CNGB3: variants seen among roughly 807,000 people sequenced by gnomAD.
The protein encoded by CNGB3 is cyclic nucleotide-gated channel beta-3.
A neutral mutation model predicts 92.8 loss-of-function variants in CNGB3; 86 were observed. The ratio of observed to expected loss-of-function variants is 0.93; its 90% confidence interval spans 0.78 to 1.11. CNGB3 has a LOEUF of 1.11. Ranked by LOEUF, CNGB3 falls within the 50% of genes least tolerant of loss-of-function variation. The pLI is 0.00. For synonymous variants in CNGB3, 333 were observed against 332.7 expected, an observed-to-expected ratio of 1.00 and a Z score of -0.01; for missense variants, 1,026 against 956.8, an observed-to-expected ratio of 1.07 and a Z score of -0.95.
At chr8:86,663,041 C>T (rs1823675374) in intron 6 of CNGB3, among the ~76,000 whole-genome samples, 1 of 152,170 alleles carries the variant, frequency 6.6e-6, no homozygotes, top group Non-Finnish European at 1.5e-5. Context: ...GTTTCTACTA[C>T]TTCATAATTA....
chr8:86,709,138 G>T (rs1387706063), intron 3 of CNGB3, among the ~76,000 whole-genome samples: 1 of 152,178 alleles, frequency 6.6e-6, no homozygotes, highest in Non-Finnish European at 1.5e-5. Flanking sequence ...TGCCACAGTG[G>T]TGTCTATGAC....
chr8:86,650,101 G>A (rs1823371618), intron 7 of CNGB3, among the ~76,000 whole-genome samples: 1 of 151,418 alleles, frequency 6.6e-6, no homozygotes, highest in South Asian at 2.1e-4. Flanking sequence ...TACTCTACAG[G>A]TATTGATCTT....
intron 13 of CNGB3, among the ~76,000 whole-genome samples, chr8:86,612,917 G>A (rs1164927966): frequency 6.6e-6 from 1 of 152,216 alleles, no homozygotes; most frequent in Non-Finnish European, 1.5e-5. Context: ...AAGAAAGTAA[G>A]TCTAGTTGGG....
chr8:86,734,023 A>G (rs1411071022), intron 2 of CNGB3, among the ~76,000 whole-genome samples: 1 of 151,918 alleles, frequency 6.6e-6, no homozygotes, highest in Non-Finnish European at 1.5e-5. Context: ...GGGTGCTACT[A>G]TGCTCAGCTA....
chr8:86,693,176 G>C lies in CNGB3; in HGVS notation c.339-22078C>G, dbSNP rs539462305. ...CTCTTAAGATGCTTTTCTTCATCTT[G>C]AGTTTAGACAACCTGATGACTGTGT... On this transcript the variant is annotated intron_variant, in intron 3 of 17. Coordinates refer to ENST00000320005, the MANE Select transcript of CNGB3 (RefSeq NM_019098.5). Among the ~76,000 whole-genome samples, 32 of 152,150 alleles carry C rather than the reference G, an allele frequency of 2.1e-4. No homozygotes were observed. In the South Asian group the frequency reaches 6.4e-3, roughly 31 times the overall value.
At chr8:86,711,831 C>CTA (rs1296251594) in intron 3 of CNGB3, among the ~76,000 whole-genome samples, 55 of 125,122 alleles carry the variant, frequency 4.4e-4, no homozygotes, top group African/African-American at 1.5e-3. Context: ...CTCTCTCTCT[C>CTA]TCTCTATATA....
intron 6 of CNGB3, among the ~76,000 whole-genome samples, chr8:86,664,130 A>C (rs6471476): frequency 0.89 from 135,959 of 152,250 alleles, 60,993 homozygotes; most frequent in East Asian, 1. Context: ...AACTAATGCT[A>C]TAAAGTCTGC....
chr8:86,704,584 C>A (rs1824617538), intron 3 of CNGB3, among the ~76,000 whole-genome samples: 1 of 152,144 alleles, frequency 6.6e-6, no homozygotes, highest in South Asian at 2.1e-4. Flanking sequence ...GCTTTGGGAG[C>A]TACATCAGGG....
chr8:86,681,368 G>A (rs112514687), intron 3 of CNGB3, among the ~76,000 whole-genome samples: 2,083 of 152,246 alleles, frequency 0.014, 44 homozygotes, highest in African/African-American at 0.048. Flanking sequence ...AGGAGAGAAT[G>A]AGTTGAAGAA....
intron 15 of CNGB3, among the ~76,000 whole-genome samples, chr8:86,600,345 T>G (rs1822267577): frequency 6.6e-6 from 1 of 152,206 alleles, no homozygotes; most frequent in African/African-American, 2.4e-5. Context: ...CTTTGTACCC[T>G]CATGACTGGC....
chr8:86,616,593 T>C (rs1222427029), intron 13 of CNGB3, among the ~76,000 whole-genome samples: 1 of 152,196 alleles, frequency 6.6e-6, no homozygotes, highest in African/African-American at 2.4e-5. Flanking sequence ...AATTTTCTGA[T>C]GTATGAAAAG....
intron 3 of CNGB3, among the ~76,000 whole-genome samples, chr8:86,709,224 A>G (rs1225321345): frequency 6.6e-6 from 1 of 152,224 alleles, no homozygotes; most frequent in African/African-American, 2.4e-5. Flanking sequence ...TCATTGTTAT[A>G]GAAGTAGAAG....
intron 17 of CNGB3, 130 bp from the exon 18 acceptor site, chr8:86,576,260 C>A: frequency 1.0e-6 from 1 of 1,002,536 alleles, no homozygotes; most frequent in African/African-American, 1.6e-5. Context: ...ATCCAGGAAT[C>A]ATGTCTGCTT....
At chr8:86,641,633 ATT>A (rs140856006) in intron 10 of CNGB3, among the ~76,000 whole-genome samples, 75 of 147,608 alleles carry the variant, frequency 5.1e-4, no homozygotes, top group African/African-American at 1.7e-3. Context: ...TTCCTTATTC[ATT>A]TTTTTTTCCC....
chr8:86,633,940 G>T (rs891993873), intron 10 of CNGB3, among the ~76,000 whole-genome samples: 5 of 152,178 alleles, frequency 3.3e-5, no homozygotes, highest in African/African-American at 1.2e-4. Flanking sequence ...ACTGTTGATT[G>T]TAATGGGCAA....
chr8:86,644,131 A>G (rs1422174643), intron 9 of CNGB3, among the ~76,000 whole-genome samples: 1 of 151,098 alleles, frequency 6.6e-6, no homozygotes, highest in Non-Finnish European at 1.5e-5. Flanking sequence ...TTGTGAGTCA[A>G]CTCCGTGAAA....
At chr8:86,628,419 G>T (rs746585667) in intron 12 of CNGB3, among the ~76,000 whole-genome samples, 1 of 152,110 alleles carries the variant, frequency 6.6e-6, no homozygotes, top group African/African-American at 2.4e-5. Flanking sequence ...TGGAGTGAGG[G>T]TTGGCATTGT....
At position 86,668,090 on chromosome 8, in the gene CNGB3, T is replaced by G. The variant is rs1157478918; in HGVS notation, c.572A>C (p.Lys191Thr). ...CTCTGTTAAAGGCATCTTTTTGACT[T>G]TGAACCACAACAGCCTGTAGTAATG... ...TEHYYRLLWFKVKKMPLTEYL... is the reference protein window; with the variant it reads ...TEHYYRLLWFTVKKMPLTEYL... Residue 191 changes from lysine (K) to threonine (T), a missense_variant, in exon 5 of 18, where the codon AAA becomes ACA. Transcript: ENST00000320005. 6.2e-7 allele frequency: 1 copy of G among 1,614,104 alleles called. No individual in the cohort carries two copies. The highest frequency in any genetic ancestry group is 8.5e-7 in the Non-Finnish European group (1 of 1,180,004).
At chr8:86,578,617 T>A in intron 17 of CNGB3, 72 bp downstream of exon 17, 2 of 1,383,000 alleles carry the variant, frequency 1.4e-6, no homozygotes, top group Non-Finnish European at 2.1e-6. Flanking sequence ...GGAATTAGAG[T>A]GGGCGTTTGT....
Sources: allele counts gnomAD v4.1 joint callset (sites outside exome capture counted in the v4.1 genomes callset), GRCh38; gene constraint gnomAD v4.1.1; transcripts MANE v1.5; gene names NCBI Gene and HGNC (gene_info 2026-07-23, HGNC 2026-07-21).